Variants in TMEM178B observed in about 807,000 individuals in gnomAD.
The protein encoded by TMEM178B is transmembrane protein 178B.
A neutral mutation model predicts 31.0 loss-of-function variants in TMEM178B; 5 were observed. That is an observed-to-expected ratio of 0.16 (90% CI 0.08 to 0.34). The LOEUF (loss-of-function observed/expected upper bound fraction) is 0.34. Ranked by LOEUF, TMEM178B falls within the 10% of genes least tolerant of loss-of-function variation. TMEM178B has a pLI of 1.00. For missense variants in TMEM178B, 275 were observed against 400.3 expected (o/e 0.69, Z 2.67); for synonymous variants, 164 against 164.0 (o/e 1.00, Z 0.00).
intron 2 of TMEM178B, among the ~76,000 whole-genome samples, chr7:141,306,206 A>G (rs1798813214): frequency 6.6e-6 from 1 of 152,192 alleles, no homozygotes; most frequent in Non-Finnish European, 1.5e-5. Context: ...ACCCAATCAA[A>G]TCAGAAAGAA....
Position 141,470,933 on chromosome 7 carries a change from T to A in TMEM178B, c.*147T>A. The A allele has an allele frequency of 2.9e-6, 1 of 344,764 alleles. No homozygotes were observed. The highest frequency in any genetic ancestry group is 1.3e-3 in the Middle Eastern group (1 of 764). The allele number at this position is 344,764 out of a possible 1,614,324, so 21.4% of individuals were successfully genotyped here. On this transcript the variant is annotated 3_prime_UTR_variant, in exon 4 of 4. Coordinates refer to ENST00000565468, the MANE Select transcript of TMEM178B (RefSeq NM_001195278.2). ...ACCTGCATCTCGCCGGACTTTGTGT[T>A]GCCTCATCTCTGAGATGGGGAAAGT...
At chr7:141,146,821 T>C (rs1224498504) in intron 1 of TMEM178B, among the ~76,000 whole-genome samples, 1 of 152,176 alleles carries the variant, frequency 6.6e-6, no homozygotes, top group African/African-American at 2.4e-5. Flanking sequence ...CCCCTTCTCC[T>C]GCTCCCTAAG....
chr7:141,098,399 C>G (rs952859537), intron 1 of TMEM178B, among the ~76,000 whole-genome samples: 1 of 152,152 alleles, frequency 6.6e-6, no homozygotes, highest in Non-Finnish European at 1.5e-5. Flanking sequence ...GACACAATTA[C>G]AAATATTTTT....
chr7:141,469,104 T>C (rs577411238), intron 3 of TMEM178B, among the ~76,000 whole-genome samples: 1 of 152,344 alleles, frequency 6.6e-6, no homozygotes, highest in East Asian at 1.9e-4. Flanking sequence ...TTGGCACAGC[T>C]GCCAGTATGC....
chr7:141,491,872 C>T, the TMEM178B span, among the ~76,000 whole-genome samples: 1 of 152,194 alleles, frequency 6.6e-6, no homozygotes, highest in Admixed American at 6.5e-5. Flanking sequence ...CCTGCCTCCT[C>T]ATCTCTCCCC....
At chr7:141,192,295 G>C (rs1796709127) in intron 1 of TMEM178B, among the ~76,000 whole-genome samples, 1 of 152,142 alleles carries the variant, frequency 6.6e-6, no homozygotes, top group Non-Finnish European at 1.5e-5. Context: ...ACCAAGATCA[G>C]CAGAGACACC....
At chr7:141,109,454 A>T in intron 1 of TMEM178B, among the ~76,000 whole-genome samples, 1 of 152,178 alleles carries the variant, frequency 6.6e-6, no homozygotes, top group East Asian at 1.9e-4. Flanking sequence ...ATTGGCAATG[A>T]CAAAGCTTTT....
chr7:141,477,473 C>G lies in TMEM178B; in HGVS notation c.*6687C>G, dbSNP rs185472709. 3.9e-5 allele frequency: 6 copies of G among 152,262 alleles called. No homozygotes were observed. The East Asian group carries it at 1.2e-3, about 29-fold the overall frequency. 9.4% of individuals were successfully genotyped at this position (152,262 alleles called of 1,614,324 possible). On this transcript the variant is annotated 3_prime_UTR_variant, in exon 4 of 4. Transcript: ENST00000565468. Reference sequence around the variant, plus strand: ...GTCATCAGTGTCTGCTTAGAACTCTCTGTTCTAAAGGTTTTTCCCTGTAAA... The same window carrying G: ...GTCATCAGTGTCTGCTTAGAACTCTGTGTTCTAAAGGTTTTTCCCTGTAAA...
intron 1 of TMEM178B, among the ~76,000 whole-genome samples, chr7:141,192,460 G>A (rs1471866385): frequency 6.6e-6 from 1 of 151,684 alleles, no homozygotes; most frequent in Non-Finnish European, 1.5e-5. Flanking sequence ...TTGAGAGATG[G>A]GAAGGAATGG....
At chr7:141,261,504 T>C (rs938401156) in intron 2 of TMEM178B, among the ~76,000 whole-genome samples, 3 of 152,100 alleles carry the variant, frequency 2.0e-5, no homozygotes, top group African/African-American at 7.2e-5. Flanking sequence ...AAATTGTAGA[T>C]GCAGAGGAGG....
intron 2 of TMEM178B, among the ~76,000 whole-genome samples, chr7:141,326,166 T>C (rs549563922): frequency 6.6e-6 from 1 of 152,230 alleles, no homozygotes; most frequent in Non-Finnish European, 1.5e-5. Flanking sequence ...AGGAACCATG[T>C]ATTTTTAATT....
Position 141,368,536 on chromosome 7 carries a change from A to G in TMEM178B, c.497-69072A>G, listed in dbSNP as rs757493760. Among the ~76,000 whole-genome samples the G allele has an allele frequency of 1.2e-4, 18 of 152,296 alleles. 1 individual carries two copies. Among genetic ancestry groups the G allele is most frequent in the Middle Eastern group, 3.4e-3 (1 of 294 alleles). On this transcript the variant is annotated intron_variant, in intron 2 of 3. Coordinates refer to ENST00000565468, the MANE Select transcript of TMEM178B (RefSeq NM_001195278.2). ...TAACATTATATCACAAAAATTTTGC[A>G]CTGTTAAAAGTACTTCAAGAATATG...
intron 1 of TMEM178B, among the ~76,000 whole-genome samples, chr7:141,187,174 G>A (rs1336556980): frequency 7.2e-6 from 1 of 139,178 alleles, no homozygotes; most frequent in African/African-American, 2.8e-5. Flanking sequence ...TCCCACCTAT[G>A]AGTGAGAACA....
At chr7:141,337,594 A>G (rs1212775498) in intron 2 of TMEM178B, among the ~76,000 whole-genome samples, 4 of 152,226 alleles carry the variant, frequency 2.6e-5, no homozygotes, top group Non-Finnish European at 5.9e-5. Flanking sequence ...GCCCAAGGTC[A>G]TAGAGTTAAT....
In TMEM178B at chr7:141,285,410, G is replaced by A. The variant is rs963862415; in HGVS notation, c.496+72706G>A. On this transcript the variant is annotated intron_variant, in intron 2 of 3. Transcript: ENST00000565468. ...CCTGACCTCATGATCCACCTGCCTC[G>A]GCCTCCCAAAGTGCTGGGATTACAG... Among the ~76,000 whole-genome samples the A allele has an allele frequency of 2.6e-5, 4 of 151,472 alleles. No homozygotes were observed. The East Asian group carries it at 5.8e-4, about 22-fold the overall frequency.
intron 2 of TMEM178B, among the ~76,000 whole-genome samples, chr7:141,370,578 G>T (rs1800098217): frequency 1.4e-5 from 2 of 145,078 alleles, no homozygotes; most frequent in South Asian, 4.5e-4. Flanking sequence ...AGTTTAGACT[G>T]ATATAGTTAA....
chr7:141,285,232 G>C (rs1798430139), intron 2 of TMEM178B, among the ~76,000 whole-genome samples: 1 of 131,334 alleles, frequency 7.6e-6, no homozygotes, highest in Non-Finnish European at 1.5e-5. Context: ...CTCACTTCAA[G>C]CTCTGCCTCC....
rs1015357759 is a variant in TMEM178B at position 141,369,732 on chromosome 7, C to G, written c.497-67876C>G. Among the ~76,000 whole-genome samples, 50 of 152,136 alleles carry G rather than the reference C, an allele frequency of 3.3e-4. 1 individual carries two copies. Among genetic ancestry groups the G allele is most frequent in the Admixed American group, 1.0e-3 (16 of 15,280 alleles). ...CTCTTGGGAACAGACATGGCAGAAT[C>G]CCAGTGGGTCATTCCTTCTGTCCCC... is the stretch of plus-strand genomic sequence containing the variant. On this transcript the variant is annotated intron_variant, in intron 2 of 3. Transcript: ENST00000565468.
At chr7:141,188,763 G>A (rs1284790467) in intron 1 of TMEM178B, among the ~76,000 whole-genome samples, 3 of 152,198 alleles carry the variant, frequency 2.0e-5, no homozygotes, top group Non-Finnish European at 2.9e-5. Flanking sequence ...GTACTCACAC[G>A]AGAGGACACA....
Sources: gnomAD v4.1 joint callset for allele counts (sites outside exome capture counted in the v4.1 genomes callset) on GRCh38, gnomAD v4.1.1 for gene constraint, MANE v1.5 for transcripts, NCBI Gene and HGNC (gene_info 2026-07-23, HGNC 2026-07-21) for gene names.